Variants in EYA4 observed in about 807,000 individuals in gnomAD.
The protein encoded by EYA4 is protein phosphatase EYA4.
Under a neutral mutation model 87.9 loss-of-function variants are expected in EYA4, and 31 were observed. The ratio of observed to expected loss-of-function variants is 0.35; its 90% confidence interval spans 0.27 to 0.48. The LOEUF (loss-of-function observed/expected upper bound fraction) is 0.48. Ranked by LOEUF, EYA4 falls within the 20% of genes least tolerant of loss-of-function variation. The pLI is 0.99. For missense variants in EYA4, 678 were observed against 761.4 expected, an observed-to-expected ratio of 0.89 and a Z score of 1.29; for synonymous variants, 263 against 270.6, an observed-to-expected ratio of 0.97 and a Z score of 0.28.
chr6:133,485,276 C>T (rs1796592540), intron 13 of EYA4, among the ~76,000 whole-genome samples: 1 of 152,090 alleles, frequency 6.6e-6, no homozygotes, highest in Non-Finnish European at 1.5e-5. Context: ...ACTCTCTATG[C>T]ATCCTCTGTG....
chr6:133,461,768 G>A (rs533053494), intron 7 of EYA4, among the ~76,000 whole-genome samples: 22 of 149,712 alleles, frequency 1.5e-4, no homozygotes, highest in African/African-American at 5.4e-4. Flanking sequence ...ATCCAATGGG[G>A]AACATGATGT....
intron 6 of EYA4, among the ~76,000 whole-genome samples, chr6:133,460,682 T>C (rs1345501806): frequency 6.6e-6 from 1 of 152,096 alleles, no homozygotes; most frequent in African/African-American, 2.4e-5. Flanking sequence ...CAGTCTTATT[T>C]TGTATTGTAT....
chr6:133,291,945 T>C (rs1299041863), intron 2 of EYA4, among the ~76,000 whole-genome samples: 1 of 151,960 alleles, frequency 6.6e-6, no homozygotes. Flanking sequence ...GATTTTTTTT[T>C]CCTTTTTTCG....
rs139584647 is a variant in EYA4, at chr6:133,530,774, T to C, written c.*1969T>C. The C allele has an allele frequency of 2.5e-4, 245 of 987,292 alleles. No homozygotes were observed. The African/African-American group carries it at 4.1e-3, about 16-fold the overall frequency. 61.2% of individuals were successfully genotyped at this position (987,292 alleles called of 1,614,324 possible). ...CTTAAACTTAATCCTTTAAATTTTG[T>C]AGCTTTTGGCTGCATCTGCCCCAAG... On this transcript the variant is annotated 3_prime_UTR_variant, in exon 20 of 20. Coordinates refer to ENST00000355286, the MANE Select transcript of EYA4 (RefSeq NM_004100.5).
Position 133,371,506 on chromosome 6 carries a change from C to A in EYA4, c.34-10886C>A, listed in dbSNP as rs151302002. 2.8e-3 allele frequency among the ~76,000 whole-genome samples: 424 copies of A among 152,202 alleles called. 1 individual carries two copies. Among genetic ancestry groups the A allele is most frequent in the African/African-American group, 7.8e-3 (322 of 41,524 alleles). On this transcript the variant is annotated intron_variant, in intron 2 of 19. Coordinates refer to ENST00000355286, the MANE Select transcript of EYA4 (RefSeq NM_004100.5). ...CTAAAATGTTACTTATCAAAAATGA[C>A]CAAGAAAAGCAAATACCAGTAACCA...
intron 13 of EYA4, among the ~76,000 whole-genome samples, chr6:133,495,284 A>T (rs11969724): frequency 6.6e-6 from 1 of 151,312 alleles, no homozygotes; most frequent in Non-Finnish European, 1.5e-5. Flanking sequence ...AAAGAAAAAA[A>T]ATCTCATGTA....
chr6:133,324,452 A>G lies in EYA4; in HGVS notation c.33+49639A>G, dbSNP rs57596280. ...CAGGAGGCAGAGAGAAGTGTTATAT[A>G]GTACTTGATTCAGCAACATTCTATT... On this transcript the variant is annotated intron_variant, in intron 2 of 19. Transcript: ENST00000355286. Among the ~76,000 whole-genome samples the G allele has an allele frequency of 6.0e-3, 910 of 152,278 alleles. 14 individuals carry two copies. Among genetic ancestry groups the G allele is most frequent in the African/African-American group, 0.021 (868 of 41,568 alleles).
intron 2 of EYA4, among the ~76,000 whole-genome samples, chr6:133,291,896 T>C (rs1409751009): frequency 7.2e-5 from 11 of 152,156 alleles, no homozygotes; most frequent in Admixed American, 7.2e-4. Context: ...TTTCTTTCCA[T>C]GAAATAAAGT....
chr6:133,403,329 T>A (rs1292993418), intron 3 of EYA4, among the ~76,000 whole-genome samples: 1 of 152,198 alleles, frequency 6.6e-6, no homozygotes, highest in East Asian at 1.9e-4. Flanking sequence ...GAATGAAAAC[T>A]ATGAAATAGC....
chr6:133,314,765 A>T (rs2128339481), intron 2 of EYA4, among the ~76,000 whole-genome samples: 1 of 152,290 alleles, frequency 6.6e-6, no homozygotes, highest in African/African-American at 2.4e-5. Context: ...TGTCTTTATT[A>T]TCTTTAACTG....
chr6:133,411,220 C>G (rs993916670), intron 3 of EYA4, among the ~76,000 whole-genome samples: 65 of 152,118 alleles, frequency 4.3e-4, no homozygotes, highest in African/African-American at 1.5e-3. Context: ...ACACTCTATT[C>G]TCTGTAAGAC....
chr6:133,349,277 A>G (rs1172221855), intron 2 of EYA4, among the ~76,000 whole-genome samples: 2 of 152,224 alleles, frequency 1.3e-5, no homozygotes, highest in African/African-American at 2.4e-5. Context: ...TACTTTGCCC[A>G]ATAGTAATGA....
At chr6:133,381,801 A>G (rs1562353929) in intron 2 of EYA4, among the ~76,000 whole-genome samples, 1 of 152,202 alleles carries the variant, frequency 6.6e-6, no homozygotes, top group Non-Finnish European at 1.5e-5. Flanking sequence ...GCCTAGAAGT[A>G]TGAGTTATTC....
chr6:133,459,272 TTTA>T (rs1347819539), intron 6 of EYA4, among the ~76,000 whole-genome samples: 1 of 152,134 alleles, frequency 6.6e-6, no homozygotes, highest in Non-Finnish European at 1.5e-5. Context: ...TAGTTGAGGC[TTTA>T]TAGTGTTGTG....
At chr6:133,500,923 C>T (rs1178721132) in intron 13 of EYA4, among the ~76,000 whole-genome samples, 4 of 152,184 alleles carry the variant, frequency 2.6e-5, no homozygotes, top group African/African-American at 2.4e-5. Flanking sequence ...CACCTTGTTG[C>T]CAAATCAAGT....
intron 3 of EYA4, among the ~76,000 whole-genome samples, chr6:133,428,307 T>C (rs1790856741): frequency 6.6e-6 from 1 of 152,060 alleles, no homozygotes; most frequent in South Asian, 2.1e-4. Flanking sequence ...CCCAGAAGGG[T>C]GCTTACCTCA....
At chr6:133,242,035 C>G (rs1320328678) in intron 1 of EYA4, among the ~76,000 whole-genome samples, 1 of 152,230 alleles carries the variant, frequency 6.6e-6, no homozygotes, top group African/African-American at 2.4e-5. Flanking sequence ...CTGCCTGTCC[C>G]TTCCGGGGTC....
At chr6:133,501,758 A>C (rs1326599566) in intron 13 of EYA4, among the ~76,000 whole-genome samples, 9 of 152,124 alleles carry the variant, frequency 5.9e-5, no homozygotes, top group Non-Finnish European at 8.8e-5. Flanking sequence ...ACAAAAAAAA[A>C]CGTCCTTAGT....
At chr6:133,353,764 A>T (rs1235097823) in intron 2 of EYA4, among the ~76,000 whole-genome samples, 4 of 152,182 alleles carry the variant, frequency 2.6e-5, no homozygotes, top group African/African-American at 9.6e-5. Context: ...TGATTTACGT[A>T]AGGGTGGAGA....
Sources: allele counts gnomAD v4.1 joint callset (sites outside exome capture counted in the v4.1 genomes callset), GRCh38; gene constraint gnomAD v4.1.1; transcripts MANE v1.5; gene names NCBI Gene and HGNC (gene_info 2026-07-23, HGNC 2026-07-21).